CDH18: variants seen among roughly 807,000 people sequenced by gnomAD.
CDH18 encodes cadherin 18.
A neutral mutation model predicts 67.9 loss-of-function variants in CDH18; 31 were observed. The ratio of observed to expected loss-of-function variants is 0.46; its 90% CI spans 0.34 to 0.62. The LOEUF (loss-of-function observed/expected upper bound fraction) is 0.62. Ranked by LOEUF, CDH18 falls within the 20% of genes least tolerant of loss-of-function variation. The pLI is 0.01. For synonymous variants in CDH18, 362 were observed against 347.2 expected (o/e 1.04, Z -0.48); for missense variants, 890 against 975.5 (o/e 0.91, Z 1.17).
In CDH18 at chr5:19,937,439, C is replaced by T. The variant is rs908167640; in HGVS notation, c.-257+43621G>A. On this transcript the variant is annotated intron_variant, in intron 2 of 12. Coordinates refer to ENST00000382275, the MANE Select transcript of CDH18 (RefSeq NM_004934.5). ...TGGCTGAACAGGATTAAACTGAATA[C>T]CAATATTGAAAACAGAAACTCTAAG... is the stretch of plus-strand genomic sequence containing the variant. Among the ~76,000 whole-genome samples the T allele has an allele frequency of 1.3e-5, 2 of 151,292 alleles. 1 individual carries two copies. Among genetic ancestry groups the T allele is most frequent in the South Asian group, 4.2e-4 (2 of 4,816 alleles).
chr5:20,144,071 A>T (rs890963342), intron 2 of CDH18, among the ~76,000 whole-genome samples: 7 of 152,186 alleles, frequency 4.6e-5, no homozygotes, highest in African/African-American at 1.4e-4. Flanking sequence ...ACTGATAAAG[A>T]CATAGAAGGG....
At chr5:19,814,665 A>T (rs1440433793) in intron 3 of CDH18, among the ~76,000 whole-genome samples, 1 of 152,040 alleles carries the variant, frequency 6.6e-6, no homozygotes, top group East Asian at 1.9e-4. Context: ...GAAAACTGAT[A>T]GAAACAATAA....
intron 2 of CDH18, among the ~76,000 whole-genome samples, chr5:20,192,451 C>T (rs1353749866): frequency 6.6e-6 from 1 of 152,066 alleles, no homozygotes; most frequent in African/African-American, 2.4e-5. Flanking sequence ...ATGGTATTGC[C>T]TAGGTTTTCT....
chr5:19,814,050 G>T lies in CDH18; in HGVS notation c.228+24709C>A, dbSNP rs567382725. Among the ~76,000 whole-genome samples, 22 of 151,874 alleles carry T rather than the reference G, an allele frequency of 1.4e-4. No individual in the cohort carries two copies. In the South Asian group the frequency reaches 4.6e-3, roughly 31 times the overall value. ...GAGGATAGGAGAATATTGTCTTTTT[G>T]TGTGTGTGCAGATTTTAAAAAAAAT... is the stretch of plus-strand genomic sequence containing the variant. On this transcript the variant is annotated intron_variant, in intron 3 of 12. Transcript: ENST00000382275.
intron 1 of CDH18, among the ~76,000 whole-genome samples, chr5:20,309,876 T>C (rs2149986749): frequency 6.6e-6 from 1 of 152,324 alleles, no homozygotes; most frequent in South Asian, 2.1e-4. Context: ...CTCTATACTT[T>C]TTGTATCTTT....
At chr5:20,397,061 G>C (rs1034768337) in intron 1 of CDH18, among the ~76,000 whole-genome samples, 8 of 152,072 alleles carry the variant, frequency 5.3e-5, no homozygotes, top group African/African-American at 1.9e-4. Context: ...AAAAGAAAAA[G>C]ACTCAACTCA....
chr5:19,499,682 A>T (rs1479932913), intron 11 of CDH18, among the ~76,000 whole-genome samples: 1 of 151,972 alleles, frequency 6.6e-6, no homozygotes, highest in East Asian at 1.9e-4. Flanking sequence ...TTTTGTCATA[A>T]TTTATGCATT....
intron 3 of CDH18, among the ~76,000 whole-genome samples, chr5:19,749,592 G>A (rs1770566615): frequency 6.7e-6 from 1 of 149,936 alleles, no homozygotes; most frequent in African/African-American, 2.5e-5. Context: ...TCTTATTACA[G>A]ATACTTAAGG....
chr5:20,272,115 C>A (rs1250289210), intron 1 of CDH18, among the ~76,000 whole-genome samples: 1 of 151,702 alleles, frequency 6.6e-6, no homozygotes, highest in Non-Finnish European at 1.5e-5. Context: ...GATAATTAAA[C>A]AAAATAAAGA....
chr5:20,478,625 C>T (rs189088605), intron 1 of CDH18, among the ~76,000 whole-genome samples: 7 of 152,212 alleles, frequency 4.6e-5, no homozygotes, highest in South Asian at 2.1e-4. Flanking sequence ...TCCCGACTCT[C>T]GACACTGGCT....
At chr5:19,725,746 G>T (rs1167302884) in intron 4 of CDH18, among the ~76,000 whole-genome samples, 1 of 152,140 alleles carries the variant, frequency 6.6e-6, no homozygotes, top group African/African-American at 2.4e-5. Context: ...TCCGACTTGG[G>T]CAACAACAAT....
At chr5:20,063,834 G>A (rs1224089310) in intron 2 of CDH18, among the ~76,000 whole-genome samples, 1 of 152,068 alleles carries the variant, frequency 6.6e-6, no homozygotes, top group Non-Finnish European at 1.5e-5. Context: ...CATGGAGCTA[G>A]CCCCAAACAA....
At chr5:20,264,736 C>T (rs1298774589) in intron 1 of CDH18, among the ~76,000 whole-genome samples, 1 of 152,028 alleles carries the variant, frequency 6.6e-6, no homozygotes, top group Admixed American at 6.5e-5. Flanking sequence ...TAAAATAAGT[C>T]CAATATTTTA....
chr5:19,959,020 T>C (rs539881032), intron 2 of CDH18, among the ~76,000 whole-genome samples: 68 of 152,200 alleles, frequency 4.5e-4, no homozygotes, highest in African/African-American at 1.5e-3. Context: ...CTTTCTGTTA[T>C]TCTGAAACAA....
chr5:20,165,821 G>C (rs557023304), intron 2 of CDH18, among the ~76,000 whole-genome samples: 9 of 152,134 alleles, frequency 5.9e-5, no homozygotes, highest in Admixed American at 3.3e-4. Context: ...CACATAAACA[G>C]TTGCAGTACA....
chr5:20,138,088 C>T (rs900095120), intron 2 of CDH18, among the ~76,000 whole-genome samples: 13 of 151,956 alleles, frequency 8.6e-5, no homozygotes, highest in African/African-American at 1.9e-4. Context: ...AAACCGAATC[C>T]GGCAGCACAT....
intron 2 of CDH18, among the ~76,000 whole-genome samples, chr5:19,943,101 G>A (rs1794979335): frequency 6.6e-6 from 1 of 152,084 alleles, no homozygotes; most frequent in Non-Finnish European, 1.5e-5. Context: ...AATTCCCAAA[G>A]TGTGTTTACA....
chr5:19,869,426 C>T (rs1785968176), intron 2 of CDH18, among the ~76,000 whole-genome samples: 1 of 152,062 alleles, frequency 6.6e-6, no homozygotes, highest in Non-Finnish European at 1.5e-5. Flanking sequence ...TATAATTTCA[C>T]CCGATAAAAT....
At chr5:19,569,605 T>C (rs1741018904) in intron 8 of CDH18, among the ~76,000 whole-genome samples, 1 of 152,148 alleles carries the variant, frequency 6.6e-6, no homozygotes, top group African/African-American at 2.4e-5. Context: ...TTCTTTATCA[T>C]GAGGACTACT....
Sources: gnomAD v4.1 joint callset for allele counts (sites outside exome capture counted in the v4.1 genomes callset) on GRCh38, gnomAD v4.1.1 for gene constraint, MANE v1.5 for transcripts, NCBI Gene and HGNC (gene_info 2026-07-23, HGNC 2026-07-21) for gene names.